Variants in LYSMD1 observed in about 807,000 individuals in gnomAD.
LYSMD1 encodes LysM domain containing 1, also known as lysM and putative peptidoglycan-binding domain-containing protein 1.
In LYSMD1, 9 loss-of-function variants were observed where a neutral mutation model predicts 19.3. The observed-to-expected ratio is 0.47, with a 90% CI of 0.28 to 0.81. LYSMD1 has a LOEUF of 0.81. Among genes scored for constraint, LYSMD1 ranks in the 40% least tolerant of loss-of-function variants. The probability of loss-of-function intolerance (pLI) is 0.11; values close to 1 mark genes in which losing one functional copy is unlikely to be tolerated. For missense variants in LYSMD1, 262 were observed against 279.8 expected (o/e 0.94, Z 0.45); for synonymous variants, 111 against 111.7 (o/e 0.99, Z 0.04).
intron 1 of LYSMD1, among the ~76,000 whole-genome samples, chr1:151,163,938 T>C (rs1360250035): frequency 6.6e-6 from 1 of 150,464 alleles, no homozygotes; most frequent in Admixed American, 6.6e-5. Context: ...CAGGCTGGAG[T>C]GCTGGAGTGC....
At position 151,163,927 on chromosome 1, in the gene LYSMD1, C is replaced by G. The variant is rs1405396015; in HGVS notation, c.180+1152G>C. Among the ~76,000 whole-genome samples the G allele has an allele frequency of 4.0e-5, 6 of 148,900 alleles. No homozygotes were observed. The South Asian group carries it at 8.4e-4, about 21-fold the overall frequency. On this transcript the variant is annotated intron_variant, in intron 1 of 2. Coordinates refer to ENST00000368908, the MANE Select transcript of LYSMD1 (RefSeq NM_212551.5). ...GTGTGTGTGTGTCTCACTCTGTTGC[C>G]CAGGCTGGAGTGCTGGAGTGCAGTG...
chr1:151,165,276 A>G lies in LYSMD1; in HGVS notation c.-18T>C, dbSNP rs367755143. The G allele has an allele frequency of 1.4e-5, 23 of 1,606,640 alleles. No homozygotes were observed. The African/African-American group carries it at 2.8e-4, about 20-fold the overall frequency. ...GAAGCCATCTCTTCACCCTGCCAAC[A>G]GCTAAGGTTGCAACTAGGGGAGGTA... On this transcript the variant is annotated 5_prime_UTR_variant, in exon 1 of 3. Transcript: ENST00000368908.
At position 151,161,752 on chromosome 1, in the gene LYSMD1, T is replaced by A. The variant is rs1683464761; in HGVS notation, c.529A>T (p.Lys177Ter). Residue 177 changes from lysine (K) to a stop codon, truncating the protein, a stop_gained, in exon 2 of 3, where the codon AAA (lysine) becomes TAA (stop). Transcript: ENST00000368908. LOFTEE classifies it high-confidence loss of function. ...LSKKAAAQKL[K>*]KGENGVPGED... ...AAGACTCACCCATTTTCCCCTTTTT[T>A]CAGCTTCTGAGCAGCAGCCTTCTTG... The A allele has an allele frequency of 1.2e-6, 2 of 1,609,880 alleles. No individual in the cohort carries two copies. The highest frequency in any genetic ancestry group is 1.7e-6 in the Non-Finnish European group (2 of 1,178,932).
At position 151,160,753 on chromosome 1, in the gene LYSMD1, G is replaced by A. The variant is rs587770594; in HGVS notation, c.*129C>T. On this transcript the variant is annotated 3_prime_UTR_variant, in exon 3 of 3. Transcript: ENST00000368908. The stretch of plus-strand genomic sequence containing the variant: ...CCAAGGAATTTTTGGCAGACAAGGA[G>A]GCTGGGGAGGATGGCTGGAGTGGAG... The A allele has an allele frequency of 9.9e-6, 12 of 1,213,046 alleles. No homozygotes were observed. In the African/African-American group the frequency reaches 1.5e-4, roughly 15 times the overall value. The allele number at this position is 1,213,046 out of a possible 1,614,324, so 75.1% of individuals were successfully genotyped here. A position where few individuals can be genotyped will look rare whatever the true frequency, so the allele number is the denominator to read the frequency against.
At chr1:151,150,650 C>T in the LYSMD1 span, among the ~76,000 whole-genome samples, 2 of 152,020 alleles carry the variant, frequency 1.3e-5, no homozygotes, top group Non-Finnish European at 2.9e-5. Flanking sequence ...TTTCTCTTAA[C>T]AAAGACTAGG....
intron 2 of LYSMD1, 54 bp downstream of exon 2, chr1:151,161,682 A>C: frequency 6.3e-7 from 1 of 1,577,264 alleles, no homozygotes; most frequent in Non-Finnish European, 8.5e-7. Flanking sequence ...TAGGTAAGAC[A>C]GGAATGATGG....
chr1:151,165,232 C>G lies in LYSMD1; in HGVS notation c.27G>C (p.Pro9=), dbSNP rs587696008. The G allele has an allele frequency of 6.2e-7, 1 of 1,613,766 alleles. No homozygotes were observed. Among genetic ancestry groups the G allele is most frequent in the Admixed American group, 1.7e-5 (1 of 59,964 alleles). The change falls in exon 1 of 3, where the codon CCG becomes CCC. Residue 9 remains proline, a synonymous_variant. Transcript: ENST00000368908. MASPSRQP[P]PGGSGLLQGS... is the part of the protein sequence containing the mutation. ...CTTGAAGCAGTCCTGACCCCCCTGG[C>G]GGGGGCTGTCTAGACGGGGAAGCCA...
the LYSMD1 span, among the ~76,000 whole-genome samples, chr1:151,150,706 A>C: frequency 6.7e-6 from 1 of 149,594 alleles, no homozygotes; most frequent in African/African-American, 2.5e-5. Flanking sequence ...TTTCACTTCT[A>C]TTAATATGGC....
At chr1:151,161,171 A>C in intron 2 of LYSMD1, 151 bp from the exon 3 acceptor site, 1 of 726,530 alleles carries the variant, frequency 1.4e-6, no homozygotes, top group Non-Finnish European at 2.2e-6. Flanking sequence ...CCTAACCCTA[A>C]TGCTCCTTCA....
chr1:151,160,835 A>G lies in LYSMD1; in HGVS notation c.*47T>C, dbSNP rs1208273902. 6.3e-7 allele frequency: 1 copy of G among 1,589,826 alleles called. No homozygotes were observed. Among genetic ancestry groups the G allele is most frequent in the Admixed American group, 1.7e-5 (1 of 59,490 alleles). ...CTCACCTCAGGCTCCTCTCCCCCTGAAGTTTCTCTTTCAACATCTTGCTTC... is the reference window on the plus strand; with the variant it reads ...CTCACCTCAGGCTCCTCTCCCCCTGGAGTTTCTCTTTCAACATCTTGCTTC... On this transcript the variant is annotated 3_prime_UTR_variant, in exon 3 of 3. Transcript: ENST00000368908.
At chr1:151,164,551 G>A (rs1439206114) in intron 1 of LYSMD1, among the ~76,000 whole-genome samples, 1 of 152,198 alleles carries the variant, frequency 6.6e-6, no homozygotes, top group Non-Finnish European at 1.5e-5. Flanking sequence ...CCACCTTACT[G>A]GAAAGAAGGC....
the LYSMD1 span, among the ~76,000 whole-genome samples, chr1:151,152,541 A>C: frequency 2.0e-5 from 3 of 150,984 alleles, no homozygotes; most frequent in Non-Finnish European, 4.4e-5. Context: ...CTCTACTAAA[A>C]ATACAAAAAT....
downstream of LYSMD1, among the ~76,000 whole-genome samples, chr1:151,157,222 C>T (rs927373215): frequency 6.6e-6 from 1 of 152,120 alleles, no homozygotes; most frequent in African/African-American, 2.4e-5. Context: ...GTCCAGAAAG[C>T]CCCAAGGCAA....
chr1:151,161,763 G>T lies in LYSMD1; in HGVS notation c.518C>A (p.Ala173Asp), dbSNP rs1683465244. 1 of 1,611,652 alleles carries T rather than the reference G, an allele frequency of 6.2e-7. No homozygotes were observed. The highest frequency in any genetic ancestry group is 1.3e-5 in the African/African-American group (1 of 74,672). ...ATTTTCCCCTTTTTTCAGCTTCTGA[G>T]CAGCAGCCTTCTTGGACAGGCTGAT... ...SQISLSKKAA[A>D]QKLKKGENGV... is the part of the protein sequence containing the mutation. The change falls in exon 2 of 3, where the codon GCT becomes GAT. Residue 173 changes from alanine (A) to aspartate (D), a missense_variant. Coordinates refer to ENST00000368908, the MANE Select transcript of LYSMD1 (RefSeq NM_212551.5).
At chr1:151,159,268 C>A, downstream of LYSMD1, 1 of 1,593,444 alleles carries the variant, frequency 6.3e-7, no homozygotes, top group Non-Finnish European at 8.6e-7. Flanking sequence ...CTGAGCCTAG[C>A]ACATTCCACC....
At chr1:151,158,931 C>T (rs753575267), downstream of LYSMD1, 1 of 1,614,266 alleles carries the variant, frequency 6.2e-7, no homozygotes, top group Non-Finnish European at 8.5e-7. Context: ...GCAATGGCTC[C>T]TTTGGCCCCA....
downstream of LYSMD1, chr1:151,159,310 T>A (rs1683351504): frequency 2.0e-6 from 3 of 1,524,284 alleles, no homozygotes; most frequent in Non-Finnish European, 2.7e-6. Flanking sequence ...AAAACACAGA[T>A]AATGGGCTTC....
At chr1:151,163,581 T>C (rs903558500) in intron 1 of LYSMD1, among the ~76,000 whole-genome samples, 3 of 152,086 alleles carry the variant, frequency 2.0e-5, no homozygotes, top group African/African-American at 7.2e-5. Context: ...CAGCCTGGAG[T>C]GTAGTGGCGC....
downstream of LYSMD1, chr1:151,159,356 C>A (rs974875925): frequency 1.7e-6 from 2 of 1,195,472 alleles, no homozygotes; most frequent in African/African-American, 1.5e-5. Context: ...ACTTTTCAAT[C>A]TTCAGGCTTC....
Sources: gnomAD v4.1 joint callset for allele counts (sites outside exome capture counted in the v4.1 genomes callset) on GRCh38, gnomAD v4.1.1 for gene constraint, MANE v1.5 for transcripts, NCBI Gene and HGNC (gene_info 2026-07-23, HGNC 2026-07-21) for gene names.